Variants in TGM1 observed in about 807,000 individuals in gnomAD.
TGM1 encodes the protein protein-glutamine gamma-glutamyltransferase K.
A neutral mutation model predicts 88.7 loss-of-function variants in TGM1; 63 were observed. The observed-to-expected ratio is 0.71, with a 90% CI of 0.58 to 0.88. TGM1 has a LOEUF of 0.88. TGM1 is among the 40% of genes least tolerant of loss of function. TGM1 has a pLI of 0.00. For missense variants in TGM1, 996 were observed against 1,118.0 expected (o/e 0.89, Z 1.56); for synonymous variants, 415 against 431.1 (o/e 0.96, Z 0.46).
chr14:24,263,063 C>A (rs1471776409), intron 1 of TGM1, 26 bp downstream of exon 1: 1 of 155,212 alleles, frequency 6.4e-6, no homozygotes, highest in Admixed American at 6.3e-5. Flanking sequence ...GGACTCGGCA[C>A]CACAGTACCC....
Position 24,259,280 on chromosome 14 carries a change from G to A in TGM1, c.985-31C>T, listed in dbSNP as rs1477237484. On this transcript the variant is annotated intron_variant, in intron 6 of 14. Coordinates refer to ENST00000206765, the MANE Select transcript of TGM1 (RefSeq NM_000359.3). The surrounding 1 kb of genome is among the most constrained non-coding windows in gnomAD (Gnocchi z 5.7). ...CAGGACAGGATGAGATAGGGCGGAG[G>A]TGGAGGAGGGGCTCAGGACCTGCCA... is the stretch of plus-strand genomic sequence containing the variant. The A allele has an allele frequency of 1.3e-6, 2 of 1,592,596 alleles. No homozygotes were observed. Among genetic ancestry groups the A allele is most frequent in the Non-Finnish European group, 1.7e-6 (2 of 1,169,260 alleles).
Position 24,255,109 on chromosome 14 carries a change from G to GC in TGM1, c.1789_1790insG (p.Ser597CysfsTer112). ...GCTGCTGTGATTGATCAGCATCACAGAGACCATCAGATCCTGCCCCATCAC... is the reference window on the plus strand; with the variant it reads ...GCTGCTGTGATTGATCAGCATCACAGCAGACCATCAGATCCTGCCCCATCAC... On this transcript the variant is annotated frameshift_variant, in exon 12 of 15. Transcript: ENST00000206765. LOFTEE classifies it high-confidence loss of function. The surrounding 1 kb of genome is among the most constrained non-coding windows in gnomAD (Gnocchi z 4.0). The GC allele has an allele frequency of 6.2e-7, 1 of 1,614,132 alleles. No individual in the cohort carries two copies. The highest frequency in any genetic ancestry group is 1.1e-5 in the South Asian group (1 of 91,088).
intron 14 of TGM1, among the ~76,000 whole-genome samples, chr14:24,249,849 C>T (rs1183346205): frequency 1.3e-5 from 2 of 152,180 alleles, no homozygotes; most frequent in East Asian, 3.9e-4. Flanking sequence ...GCCATCCCCT[C>T]CATCACCACT....
intron 1 of TGM1, 136 bp from the exon 2 acceptor site, chr14:24,262,490 A>C: frequency 2.1e-6 from 2 of 956,434 alleles, no homozygotes; most frequent in Non-Finnish European, 3.2e-6. Flanking sequence ...GATTCTCCAG[A>C]CACATCCAGA....
Position 24,260,583 on chromosome 14 carries a change from C to A in TGM1, c.624G>T (p.Arg208=). Residue 208 remains arginine, a synonymous_variant, in exon 4 of 15, where the codon CGG becomes CGT. Coordinates refer to ENST00000206765, the MANE Select transcript of TGM1 (RefSeq NM_000359.3). Reference sequence around the variant, plus strand: ...TGATGGCGTTGGGGGAAGTGTGGACCCGCAGGTTCAGATTCTGCCCACTGG... The same window carrying A: ...TGATGGCGTTGGGGGAAGTGTGGACACGCAGGTTCAGATTCTGCCCACTGG... ...VKASGQNLNL[R]VHTSPNAIIG... 1.2e-6 allele frequency: 2 copies of A among 1,614,194 alleles called. No homozygotes were observed. Among genetic ancestry groups the A allele is most frequent in the Non-Finnish European group, 1.7e-6 (2 of 1,180,036 alleles).
chr14:24,262,100 A>C lies in TGM1; in HGVS notation c.253T>G (p.Ser85Ala). ...SGTRRPGSRG[S>A]DSRRPVSRGS... ...CGGGATACAGGCCGGCGGGAGTCTG[A>C]GCCCCGGGAGCCAGGTCTTCGAGTG... The change falls in exon 2 of 15, where the codon TCA becomes GCA. Residue 85 changes from serine to alanine, a missense_variant. By Grantham distance (99) the Ser-to-Ala change is moderately conservative. Transcript: ENST00000206765. 8 of 1,613,502 alleles carry C rather than the reference A, an allele frequency of 5.0e-6. No homozygotes were observed. The highest frequency in any genetic ancestry group is 6.8e-6 in the Non-Finnish European group (8 of 1,180,002).
intron 14 of TGM1, among the ~76,000 whole-genome samples, chr14:24,251,469 C>A (rs1196350321): frequency 6.6e-6 from 1 of 152,168 alleles, no homozygotes; most frequent in African/African-American, 2.4e-5. Context: ...TCTCTCCCTC[C>A]CCTGGTCTCA....
rs781006633 is a variant in TGM1 at position 24,260,025 on chromosome 14, C to T, written c.791G>A (p.Arg264Gln). 1.7e-5 allele frequency: 27 copies of T among 1,614,068 alleles called. No homozygotes were observed. Among genetic ancestry groups the T allele is most frequent in the Middle Eastern group, 1.6e-4 (1 of 6,084 alleles). Residue 264 changes from arginine (R) to glutamine (Q), a missense_variant, in exon 5 of 15, where the codon CGG (arginine) becomes CAG (glutamine). Coordinates refer to ENST00000206765, the MANE Select transcript of TGM1 (RefSeq NM_000359.3). ...DIVYVDHEDW[R>Q]QEYVLNESGR... is the part of the protein sequence containing the mutation. Reference sequence around the variant, plus strand: ...AGACTCATTAAGAACATACTCCTGCCGCCAATCCTCATGGTCCACGTACAC... The same window carrying T: ...AGACTCATTAAGAACATACTCCTGCTGCCAATCCTCATGGTCCACGTACAC...
intron 14 of TGM1, among the ~76,000 whole-genome samples, chr14:24,253,893 C>T (rs1261712236): frequency 6.6e-6 from 1 of 152,178 alleles, no homozygotes; most frequent in Non-Finnish European, 1.5e-5. Context: ...ACTAATGATT[C>T]CTATGTGGGC....
Position 24,258,602 on chromosome 14 carries a change from G to A in TGM1, c.1231C>T (p.Leu411Phe). The A allele has an allele frequency of 2.5e-6, 4 of 1,614,236 alleles. No homozygotes were observed. The highest frequency in any genetic ancestry group is 2.5e-6 in the Non-Finnish European group (3 of 1,180,038). The part of the protein sequence containing the change: ...FNSAHDTDTS[L>F]TMDIYFDENM... ...TCGTCGAAGTAGATGTCCATGGTAA[G>A]GGATGTGTCTGTGTCGTGGGCGGAG... Residue 411 changes from leucine (L) to phenylalanine (F), a missense_variant, in exon 8 of 15, where the codon CTT (leucine) becomes TTT (phenylalanine). Physicochemically the swap from Leu to Phe is conservative, Grantham distance 22. Transcript: ENST00000206765.
In TGM1 at chr14:24,254,784, C is replaced by T; in HGVS notation, c.1968G>A (p.Arg656=). 1.9e-6 allele frequency: 3 copies of T among 1,613,956 alleles called. No homozygotes were observed. The highest frequency in any genetic ancestry group is 2.5e-6 in the Non-Finnish European group (3 of 1,180,014). The change falls in exon 13 of 15, where the codon CGG becomes CGA. Residue 656 remains arginine (R), a synonymous_variant. Transcript: ENST00000206765. ...TGGCCCCCTGGTCCACAAGATGGGGCCGGTATTCCTTGTAGGCCACTGGCA... is the reference window on the plus strand; with the variant it reads ...TGGCCCCCTGGTCCACAAGATGGGGTCGGTATTCCTTGTAGGCCACTGGCA... ...VTMPVAYKEY[R]PHLVDQGAML... is the part of the protein sequence containing the mutation.
chr14:24,256,090 G>A lies in TGM1; in HGVS notation c.1403-13C>T. Reference sequence around the variant, plus strand: ...CAGCAGAAGATGCCTAGAGAGTGAGGCGGGACAGAGGCAAGAGATCTGAGA... The same window carrying A: ...CAGCAGAAGATGCCTAGAGAGTGAGACGGGACAGAGGCAAGAGATCTGAGA... On this transcript the variant is annotated splice_polypyrimidine_tract_variant and intron_variant, in intron 9 of 14. Coordinates refer to ENST00000206765, the MANE Select transcript of TGM1 (RefSeq NM_000359.3). The A allele has an allele frequency of 6.4e-7, 1 of 1,553,920 alleles. No homozygotes were observed.
Position 24,262,073 on chromosome 14 carries a change from C to T in TGM1, c.280G>A (p.Gly94Ser). The T allele has an allele frequency of 2.5e-6, 4 of 1,613,708 alleles. No homozygotes were observed. Among genetic ancestry groups the T allele is most frequent in the Non-Finnish European group, 3.4e-6 (4 of 1,180,032 alleles). Residue 94 changes from glycine (G) to serine (S), a missense_variant, in exon 2 of 15, where the codon GGC becomes AGC. Physicochemically the swap from Gly to Ser is moderately conservative, Grantham distance 56. Transcript: ENST00000206765. The stretch of plus-strand genomic sequence containing the variant: ...TCTCCAGCTGCATTGACACCGCTGC[C>T]CCGGGATACAGGCCGGCGGGAGTCT... Reference protein sequence around the residue: ...GSDSRRPVSRGSGVNAAGDGT... With the variant: ...GSDSRRPVSRSSGVNAAGDGT...
At chr14:24,253,969 G>A (rs1250430325) in intron 14 of TGM1, among the ~76,000 whole-genome samples, 183 bp downstream of exon 14, 2 of 152,164 alleles carry the variant, frequency 1.3e-5, no homozygotes, top group African/African-American at 4.8e-5. Context: ...TGCCCAAGAG[G>A]TCTCCCTAAA....
intron 2 of TGM1, 37 bp downstream of exon 2, chr14:24,261,997 T>C: frequency 6.2e-7 from 1 of 1,612,164 alleles, no homozygotes; most frequent in Non-Finnish European, 8.5e-7. Flanking sequence ...CATTAAAGCC[T>C]TTTAGCTCTC....
In TGM1 at chr14:24,252,579, A is replaced by G. The variant is rs2040710983; in HGVS notation, c.2225+1573T>C. 1.3e-5 allele frequency among the ~76,000 whole-genome samples: 2 copies of G among 152,348 alleles called. 1 individual carries two copies. The highest frequency in any genetic ancestry group is 6.8e-3 in the Middle Eastern group (2 of 294). ...TCACTGAGCTGCCAGAGACCATGGT[A>G]TGGTGACATGAGGAAAGCCCTACTT... On this transcript the variant is annotated intron_variant, in intron 14 of 14. Coordinates refer to ENST00000206765, the MANE Select transcript of TGM1 (RefSeq NM_000359.3).
chr14:24,260,771 G>A (rs1004076485), intron 3 of TGM1, 73 bp from the exon 4 acceptor site: 33 of 1,600,042 alleles, frequency 2.1e-5, no homozygotes, highest in Middle Eastern at 1.7e-4. Flanking sequence ...GACTTCTCCC[G>A]GCCCCACCCA....
rs771407569 is a variant in TGM1, at chr14:24,255,182, G to A, written c.1717C>T (p.Arg573Trp). 4.3e-5 allele frequency: 69 copies of A among 1,613,976 alleles called. No homozygotes were observed. Among genetic ancestry groups the A allele is most frequent in the South Asian group, 1.1e-4 (10 of 91,080 alleles). ...HGSKPNVYAN[R>W]GSAEDVAMQV... Reference sequence around the variant, plus strand: ...ATGGCCACATCCTCCGCTGAGCCCCGGTTGGCATACACATTGGGTTTGCTG... The same window carrying A: ...ATGGCCACATCCTCCGCTGAGCCCCAGTTGGCATACACATTGGGTTTGCTG... Residue 573 changes from arginine (R) to tryptophan (W), a missense_variant, in exon 12 of 15, where the codon CGG (arginine) becomes TGG (tryptophan). Coordinates refer to ENST00000206765, the MANE Select transcript of TGM1 (RefSeq NM_000359.3). This position sits in a 1 kb window ranked among gnomAD's most constrained non-coding sequence, Gnocchi z 4.0.
intron 9 of TGM1, among the ~76,000 whole-genome samples, chr14:24,256,280 C>G (rs964070022): frequency 1.3e-4 from 20 of 152,212 alleles, no homozygotes; most frequent in African/African-American, 4.6e-4. Flanking sequence ...GTATGGAAAA[C>G]AAAGAGAGAG....
Sources: allele counts gnomAD v4.1 joint callset (sites outside exome capture counted in the v4.1 genomes callset), GRCh38; gene constraint gnomAD v4.1.1; non-coding constraint Gnocchi (gnomAD v3.1); transcripts MANE v1.5; gene names NCBI Gene and HGNC (gene_info 2026-07-23, HGNC 2026-07-21).